RAD18: variants seen among roughly 807,000 people sequenced by gnomAD.
RAD18 encodes RAD18 E3 ubiquitin protein ligase, also known as E3 ubiquitin-protein ligase RAD18.
In RAD18, 47 loss-of-function variants were observed where a neutral mutation model predicts 60.4. That is an observed-to-expected ratio of 0.78 (90% CI 0.62 to 0.99). The LOEUF is 0.99. Among genes scored for constraint, RAD18 ranks in the 50% least tolerant of loss-of-function variants. RAD18 has a pLI of 0.00. For missense variants in RAD18, 640 were observed against 593.3 expected (o/e 1.08, Z -0.82); for synonymous variants, 225 against 195.5 (o/e 1.15, Z -1.26).
Position 8,880,777 on chromosome 3 carries a change from A to C in RAD18, c.*580T>G, listed in dbSNP as rs1939443869. The C allele has an allele frequency of 6.6e-6, 1 of 152,274 alleles. No homozygotes were observed. Among genetic ancestry groups the C allele is most frequent in the Non-Finnish European group, 1.5e-5 (1 of 68,088 alleles). The allele number at this position is 152,274 out of a possible 1,614,324, so 9.4% of individuals were successfully genotyped here. On this transcript the variant is annotated 3_prime_UTR_variant, in exon 13 of 13. Transcript: ENST00000264926. The stretch of plus-strand genomic sequence containing the variant: ...ATTATAATACTAATATCCTACTCTG[A>C]GAAATGTGTAAGACACAGGTCTAAC...
chr3:8,952,795 C>T (rs1204689415), intron 2 of RAD18, among the ~76,000 whole-genome samples: 1 of 152,104 alleles, frequency 6.6e-6, no homozygotes, highest in Non-Finnish European at 1.5e-5. Flanking sequence ...CAGGGCTCAG[C>T]CAACTTGCCA....
At chr3:8,910,406 C>T (rs1018231635) in intron 9 of RAD18, among the ~76,000 whole-genome samples, 1 of 152,102 alleles carries the variant, frequency 6.6e-6, no homozygotes, top group Non-Finnish European at 1.5e-5. Context: ...CGAGACCATC[C>T]TGGCTAACAC....
intron 7 of RAD18, among the ~76,000 whole-genome samples, chr3:8,913,964 A>G (rs552782081): frequency 7.7e-5 from 1 of 13,044 alleles, no homozygotes; most frequent in Non-Finnish European, 1.9e-4. Context: ...TAACCACAAG[A>G]GTCAAGTCAT....
At chr3:8,907,377 A>T (rs1940027793) in intron 9 of RAD18, among the ~76,000 whole-genome samples, 1 of 152,220 alleles carries the variant, frequency 6.6e-6, no homozygotes. Context: ...GATACATATC[A>T]ACAGATATGA....
intron 11 of RAD18, among the ~76,000 whole-genome samples, chr3:8,891,120 G>A (rs1313105641): frequency 6.8e-6 from 1 of 148,008 alleles, no homozygotes; most frequent in Non-Finnish European, 1.5e-5. Flanking sequence ...CATACACACA[G>A]TAACCTTTTT....
intron 10 of RAD18, among the ~76,000 whole-genome samples, chr3:8,901,050 G>A (rs1939903271): frequency 6.6e-6 from 1 of 152,208 alleles, no homozygotes; most frequent in South Asian, 2.1e-4. Context: ...ATGACCATGA[G>A]TTACATACTG....
chr3:8,926,621 A>G (rs1940441739), intron 7 of RAD18, among the ~76,000 whole-genome samples: 1 of 152,230 alleles, frequency 6.6e-6, no homozygotes, highest in Non-Finnish European at 1.5e-5. Flanking sequence ...AGCCAAGAGA[A>G]CAAAGCTGGA....
At chr3:8,946,890 T>G (rs1574825216) in intron 4 of RAD18, 1 of 213,876 alleles carries the variant, frequency 4.7e-6, no homozygotes, top group African/African-American at 2.3e-5. Flanking sequence ...CTAAATACTA[T>G]TCTCCAAGAA....
intron 2 of RAD18, 32 bp downstream of exon 2, chr3:8,958,888 T>G: frequency 6.4e-7 from 1 of 1,563,110 alleles, no homozygotes; most frequent in South Asian, 1.1e-5. Flanking sequence ...AAAATCGCAA[T>G]TTACTAACTC....
rs1188558915 is a variant in RAD18, at chr3:8,935,857, T to C, written c.889+14A>G. The C allele has an allele frequency of 6.5e-7, 1 of 1,548,674 alleles. No individual in the cohort carries two copies. Among genetic ancestry groups the C allele is most frequent in the Non-Finnish European group, 8.7e-7 (1 of 1,148,204 alleles). ...TCCAGAAAGTAAGCATAACTCACTG[T>C]TTTATTACTTTACCTGATTTAGGAT... On this transcript the variant is annotated intron_variant, in intron 7 of 12. Coordinates refer to ENST00000264926, the MANE Select transcript of RAD18 (RefSeq NM_020165.4).
chr3:8,910,203 T>C (rs1376964692), intron 9 of RAD18, among the ~76,000 whole-genome samples: 1 of 152,232 alleles, frequency 6.6e-6, no homozygotes, highest in African/African-American at 2.4e-5. Context: ...TTATAATCAA[T>C]GTGTGTAAAT....
Position 8,913,723 on chromosome 3 carries a change from G to A in RAD18, c.890-3C>T. The A allele has an allele frequency of 2.0e-6, 3 of 1,533,040 alleles. No individual in the cohort carries two copies. The highest frequency in any genetic ancestry group is 2.7e-6 in the Non-Finnish European group (3 of 1,126,330). 95.0% of individuals were successfully genotyped at this position (1,533,040 alleles called of 1,614,324 possible). On this transcript the variant is annotated splice_polypyrimidine_tract_variant and splice_region_variant and intron_variant, in intron 7 of 12. Transcript: ENST00000264926. The stretch of plus-strand genomic sequence containing the variant: ...GATTTCTCGAACTATTTCAGCAGCT[G>A]TTAAAATAAGAAAATAACCACTAGG...
intron 9 of RAD18, among the ~76,000 whole-genome samples, chr3:8,904,051 C>G (rs1209355374): frequency 1.3e-5 from 2 of 152,148 alleles, no homozygotes; most frequent in African/African-American, 2.4e-5. Flanking sequence ...TAATTCTTGT[C>G]TATAGATATG....
At chr3:8,936,442 C>G (rs569768313) in intron 6 of RAD18, among the ~76,000 whole-genome samples, 1 of 152,294 alleles carries the variant, frequency 6.6e-6, no homozygotes, top group East Asian at 1.9e-4. Context: ...GCTAGAAATT[C>G]TAGTGGGCTA....
At chr3:8,960,922 A>G (rs562044341) in intron 1 of RAD18, among the ~76,000 whole-genome samples, 1 of 152,346 alleles carries the variant, frequency 6.6e-6, no homozygotes, top group South Asian at 2.1e-4. Flanking sequence ...TATGCCAAAA[A>G]CAGTAAATTT....
intron 1 of RAD18, among the ~76,000 whole-genome samples, chr3:8,962,795 T>C (rs995875711): frequency 6.6e-5 from 10 of 152,190 alleles, no homozygotes; most frequent in African/African-American, 2.4e-4. Context: ...TTAAGAGACA[T>C]GAGCAATTGT....
At chr3:8,910,323 A>G (rs341776) in intron 9 of RAD18, among the ~76,000 whole-genome samples, 106,343 of 152,150 alleles carry the variant, frequency 0.7, 37,648 homozygotes, top group Middle Eastern at 0.76. Flanking sequence ...AAACAAGGCC[A>G]GGTGCAGTGG....
At chr3:8,885,441 A>G (rs889289882) in intron 12 of RAD18, among the ~76,000 whole-genome samples, 1 of 152,338 alleles carries the variant, frequency 6.6e-6, no homozygotes, top group Admixed American at 6.5e-5. Flanking sequence ...ATAAGATTAG[A>G]GAAAGTTATT....
intron 6 of RAD18, among the ~76,000 whole-genome samples, chr3:8,936,582 G>A (rs1286331597): frequency 6.6e-6 from 1 of 152,164 alleles, no homozygotes; most frequent in Non-Finnish European, 1.5e-5. Flanking sequence ...GCAATTAGAT[G>A]CTTAACAAAA....
Sources: allele counts gnomAD v4.1 joint callset (sites outside exome capture counted in the v4.1 genomes callset), GRCh38; gene constraint gnomAD v4.1.1; transcripts MANE v1.5; gene names NCBI Gene and HGNC (gene_info 2026-07-23, HGNC 2026-07-21).